The following FYN variants were observed in gnomAD, a reference collection of about 807,000 sequenced individuals.
FYN encodes FYN proto-oncogene, Src family tyrosine kinase.
FYN carries 10 observed loss-of-function variants against 70.2 expected under a neutral mutation model. That is an observed-to-expected ratio of 0.14 (90% CI 0.09 to 0.24). FYN has a LOEUF of 0.24. Among genes scored for constraint, FYN ranks in the 10% least tolerant of loss-of-function variants. The probability of loss-of-function intolerance (pLI) is 1.00; values close to 1 mark genes in which losing one functional copy is unlikely to be tolerated. For synonymous variants in FYN, 236 were observed against 248.6 expected, an observed-to-expected ratio of 0.95 and a Z score of 0.48; for missense variants, 319 against 673.1, an observed-to-expected ratio of 0.47 and a Z score of 5.82.
intron 3 of FYN, among the ~76,000 whole-genome samples, chr6:111,747,658 C>A (rs758545701): frequency 3.2e-4 from 48 of 152,162 alleles, no homozygotes; most frequent in Non-Finnish European, 6.5e-4. Flanking sequence ...GTTTGCATGG[C>A]TATGCTAAAG....
chr6:111,679,672 T>C (rs573077612), intron 12 of FYN, among the ~76,000 whole-genome samples: 2 of 152,296 alleles, frequency 1.3e-5, no homozygotes, highest in South Asian at 4.1e-4. Flanking sequence ...TGTCACTGTC[T>C]GGATGTCCTT....
At chr6:111,690,356 C>T (rs985504874) in intron 12 of FYN, among the ~76,000 whole-genome samples, 1 of 152,028 alleles carries the variant, frequency 6.6e-6, no homozygotes. Context: ...GTGAGGGCAC[C>T]CCGACTCATC....
At chr6:111,844,958 G>A (rs187633365) in intron 2 of FYN, 1 of 152,370 alleles carries the variant, frequency 6.6e-6, no homozygotes, top group Non-Finnish European at 1.5e-5. Context: ...ACTTGGGGAG[G>A]AGAAATGATT....
intron 2 of FYN, among the ~76,000 whole-genome samples, chr6:111,791,001 A>T (rs1166243367): frequency 6.6e-6 from 1 of 152,114 alleles, no homozygotes; most frequent in African/African-American, 2.4e-5. Context: ...ATCTTAACTG[A>T]ACCACCAATT....
Position 111,700,205 on chromosome 6 carries a change from G to T in FYN, c.761C>A (p.Thr254Asn). The T allele has an allele frequency of 2.5e-6, 4 of 1,614,032 alleles. No homozygotes were observed. The highest frequency in any genetic ancestry group is 3.4e-6 in the Non-Finnish European group (4 of 1,179,966). Residue 254 changes from threonine (T) to asparagine (N), a missense_variant, in exon 9 of 14, where the codon ACC becomes AAC. Coordinates refer to ENST00000354650, the MANE Select transcript of FYN (RefSeq NM_002037.5). ...VPCHKGMPRL[T>N]DLSVKTKDVW... ...ATCTTTGGTTTTGACAGACAGATCG[G>T]TAAGCCTTGGCATCCCTTTGTGACA... is the stretch of plus-strand genomic sequence containing the variant.
intron 12 of FYN, among the ~76,000 whole-genome samples, chr6:111,679,819 A>G (rs1008403797): frequency 6.6e-6 from 1 of 152,164 alleles, no homozygotes; most frequent in African/African-American, 2.4e-5. Flanking sequence ...GAGTGAATGT[A>G]TCTGAGTGGG....
At chr6:111,850,869 G>A (rs992474622) in intron 1 of FYN, among the ~76,000 whole-genome samples, 3 of 152,168 alleles carry the variant, frequency 2.0e-5, no homozygotes, top group African/African-American at 7.2e-5. Flanking sequence ...ACCCAGCTCA[G>A]ACAAGGCCCT....
At chr6:111,703,129 A>G (rs1321246760) in intron 7 of FYN, 95 bp from the exon 8 acceptor site, 1 of 1,145,226 alleles carries the variant, frequency 8.7e-7, no homozygotes, top group Non-Finnish European at 1.3e-6. Context: ...ATAATTACCA[A>G]GGATGCACAC....
At chr6:111,770,073 A>G (rs1803387152) in intron 3 of FYN, among the ~76,000 whole-genome samples, 1 of 152,152 alleles carries the variant, frequency 6.6e-6, no homozygotes, top group Non-Finnish European at 1.5e-5. Context: ...GTGACCTTGG[A>G]CTATGTCTTC....
intron 1 of FYN, among the ~76,000 whole-genome samples, chr6:111,848,386 T>C (rs1325879960): frequency 2.0e-5 from 3 of 152,210 alleles, no homozygotes; most frequent in Non-Finnish European, 4.4e-5. Context: ...ATTCACAAGA[T>C]TCTGAAAGAA....
chr6:111,815,790 C>T (rs1404631771), intron 2 of FYN, among the ~76,000 whole-genome samples: 1 of 151,362 alleles, frequency 6.6e-6, no homozygotes, highest in Non-Finnish European at 1.5e-5. Flanking sequence ...GTGATCATCG[C>T]TCATTGCAGC....
chr6:111,799,043 C>T (rs1192770958), intron 2 of FYN, among the ~76,000 whole-genome samples: 1 of 152,138 alleles, frequency 6.6e-6, no homozygotes, highest in Middle Eastern at 3.2e-3. Context: ...CGTTCAGGAA[C>T]CATTCCAAGG....
At position 111,815,730 on chromosome 6, in the gene FYN, T is replaced by C. The variant is rs550749008; in HGVS notation, c.-82+30859A>G. ...AGTACTTCTTTTTTTTTTTTTTTCT[T>C]TTTTTTGAGACAGAGTCTCTCTCTG... On this transcript the variant is annotated intron_variant, in intron 2 of 13. Coordinates refer to ENST00000354650, the MANE Select transcript of FYN (RefSeq NM_002037.5). 4.4e-3 allele frequency among the ~76,000 whole-genome samples: 663 copies of C among 151,980 alleles called. 3 individuals carry two copies. Among genetic ancestry groups the C allele is most frequent in the African/African-American group, 0.015 (630 of 41,470 alleles).
rs1465303462 is a variant in FYN, at chr6:111,707,123, TAG to T, written c.443+797_443+798del. Among the ~76,000 whole-genome samples the T allele has an allele frequency of 3.9e-5, 6 of 152,202 alleles. No homozygotes were observed. In the East Asian group the frequency reaches 1.2e-3, roughly 29 times the overall value. On this transcript the variant is annotated intron_variant, in intron 6 of 13. Transcript: ENST00000354650. The stretch of plus-strand genomic sequence containing the variant: ...GACTGACTTTTCTCAACTTCCTTTT[TAG>T]AGAGGCAAGACCCAAGGTGTCAGGA...
At chr6:111,742,572 G>A (rs1236589450) in intron 3 of FYN, among the ~76,000 whole-genome samples, 2 of 152,128 alleles carry the variant, frequency 1.3e-5, no homozygotes, top group East Asian at 3.9e-4. Context: ...AAGTGGGAGA[G>A]GGGGAATTTA....
chr6:111,849,464 C>T (rs1346856315), intron 1 of FYN, among the ~76,000 whole-genome samples: 1 of 152,200 alleles, frequency 6.6e-6, no homozygotes. Context: ...CACGACAGGG[C>T]AGTGCAGGCA....
chr6:111,660,634 T>TGC lies in FYN; in HGVS notation c.*1104_*1105insGC, dbSNP rs1475262462. 1.3e-5 allele frequency: 2 copies of TGC among 152,248 alleles called. No homozygotes were observed. The highest frequency in any genetic ancestry group is 4.8e-5 in the African/African-American group (2 of 41,466). 9.4% of individuals were successfully genotyped at this position (152,248 alleles called of 1,614,324 possible). On this transcript the variant is annotated 3_prime_UTR_variant, in exon 14 of 14. Transcript: ENST00000354650. ...CCTGGACATATAGAAAGTCATTCGT[T>TGC]AGCAGTACAGGACATTTAAAACACT...
chr6:111,691,343 C>G (rs1799306703), intron 12 of FYN, among the ~76,000 whole-genome samples: 1 of 152,210 alleles, frequency 6.6e-6, no homozygotes, highest in African/African-American at 2.4e-5. Context: ...AAACTCACAA[C>G]TGTTTTGAAA....
chr6:111,740,590 T>C (rs894857063), intron 3 of FYN, among the ~76,000 whole-genome samples: 2 of 152,162 alleles, frequency 1.3e-5, no homozygotes, highest in Non-Finnish European at 2.9e-5. Flanking sequence ...TGGTTTCCTA[T>C]TGTCTTTGGA....
Sources: gnomAD v4.1 joint callset for allele counts (sites outside exome capture counted in the v4.1 genomes callset) on GRCh38, gnomAD v4.1.1 for gene constraint, MANE v1.5 for transcripts, NCBI Gene and HGNC (gene_info 2026-07-23, HGNC 2026-07-21) for gene names.